The following SSR2 variants were observed in gnomAD, a reference collection of about 807,000 sequenced individuals.
SSR2 encodes the protein translocon-associated protein subunit beta.
In SSR2, 16 loss-of-function variants were observed where a neutral mutation model predicts 22.6. The observed-to-expected ratio is 0.71, with a 90% CI of 0.48 to 1.08. SSR2 has a LOEUF of 1.08. Ranked by LOEUF, SSR2 falls within the 50% of genes least tolerant of loss-of-function variation. The pLI is 0.00. For missense variants in SSR2, 171 were observed against 221.6 expected, an observed-to-expected ratio of 0.77 and a Z score of 1.45; for synonymous variants, 83 against 91.2, an observed-to-expected ratio of 0.91 and a Z score of 0.51.
Position 156,009,397 on chromosome 1 carries a change from C to T in SSR2, c.*143G>A. ...GCTGGTCCTTCACTATGGCTGAGAG[C>T]AGGGCAGGATCCAGGAGAAAGTGGC... On this transcript the variant is annotated 3_prime_UTR_variant, in exon 6 of 6. Coordinates refer to ENST00000295702, the MANE Select transcript of SSR2 (RefSeq NM_003145.4). The T allele has an allele frequency of 1.4e-6, 1 of 691,332 alleles. No homozygotes were observed. Among genetic ancestry groups the T allele is most frequent in the Non-Finnish European group, 2.6e-6 (1 of 391,370 alleles). The allele number at this position is 691,332 out of a possible 1,614,324, so 42.8% of individuals were successfully genotyped here.
At chr1:156,020,293 G>A (rs1411289508) in intron 1 of SSR2, 126 bp from the exon 2 acceptor site, 2 of 983,220 alleles carry the variant, frequency 2.0e-6, no homozygotes, top group East Asian at 2.6e-5. Context: ...CCACAGAGTA[G>A]TCCATAAGCC....
At chr1:156,017,423 C>G (rs1413191968) in intron 3 of SSR2, among the ~76,000 whole-genome samples, 1 of 152,198 alleles carries the variant, frequency 6.6e-6, no homozygotes, top group East Asian at 1.9e-4. Flanking sequence ...GATCTCAGCT[C>G]ACTGCAACCT....
chr1:156,017,636 C>T (rs1393011217), intron 3 of SSR2, among the ~76,000 whole-genome samples: 1 of 151,354 alleles, frequency 6.6e-6, no homozygotes, highest in East Asian at 1.9e-4. Context: ...GCATGAGCCA[C>T]TGTGCCTGGC....
At chr1:156,018,176 A>C (rs1392290076) in intron 3 of SSR2, 94 bp downstream of exon 3, 3 of 881,234 alleles carry the variant, frequency 3.4e-6, no homozygotes, top group Non-Finnish European at 5.7e-6. Context: ...GAGGACAGCC[A>C]CACATATCCA....
intron 4 of SSR2, chr1:156,014,699 G>A (rs1363592075): frequency 4.6e-5 from 12 of 262,804 alleles, no homozygotes; most frequent in Non-Finnish European, 6.0e-5. Flanking sequence ...CTGCCACCAC[G>A]CCCAGCTAAT....
At chr1:156,014,855 G>T in intron 4 of SSR2, 106 bp downstream of exon 4, 1 of 903,378 alleles carries the variant, frequency 1.1e-6, no homozygotes, top group Non-Finnish European at 1.8e-6. Context: ...CTGTATTTTG[G>T]TATCTATTAA....
At chr1:156,018,238 C>T (rs759213583) in intron 3 of SSR2, 32 bp downstream of exon 3, 20 of 1,569,182 alleles carry the variant, frequency 1.3e-5, no homozygotes, top group South Asian at 7.8e-5. Context: ...CCCTGCCCCC[C>T]GACCCTTCAT....
chr1:156,020,382 T>A (rs1319532899), intron 1 of SSR2: 1 of 507,136 alleles, frequency 2.0e-6, no homozygotes, highest in East Asian at 3.6e-5. Flanking sequence ...AGCACCAATA[T>A]ATCTACTGCC....
In SSR2 at chr1:156,016,400, A is replaced by T. The variant is rs564000355; in HGVS notation, c.255-1331T>A. ...AGGCGCCCGCCACCACGCCTGGCTAATTTTTTTGTATTTTTAGTAGAGACA... is the reference window on the plus strand; with the variant it reads ...AGGCGCCCGCCACCACGCCTGGCTATTTTTTTTGTATTTTTAGTAGAGACA... On this transcript the variant is annotated intron_variant, in intron 3 of 5. Coordinates refer to ENST00000295702, the MANE Select transcript of SSR2 (RefSeq NM_003145.4). 5.3e-5 allele frequency among the ~76,000 whole-genome samples: 8 copies of T among 151,734 alleles called. No individual in the cohort carries two copies. In the East Asian group the frequency reaches 1.6e-3, roughly 30 times the overall value.
At position 156,009,426 on chromosome 1, in the gene SSR2, G is replaced by T; in HGVS notation, c.*114C>A. The T allele has an allele frequency of 1.2e-6, 1 of 841,848 alleles. No homozygotes were observed. Among genetic ancestry groups the T allele is most frequent in the Non-Finnish European group, 2.0e-6 (1 of 509,374 alleles). The allele number at this position is 841,848 out of a possible 1,614,324, so 52.1% of individuals were successfully genotyped here. On this transcript the variant is annotated 3_prime_UTR_variant, in exon 6 of 6. Coordinates refer to ENST00000295702, the MANE Select transcript of SSR2 (RefSeq NM_003145.4). ...GCAGGATCCAGGAGAAAGTGGCCAA[G>T]GGCTAAGAGAGAAGAGATTGCATTT...
intron 2 of SSR2, chr1:156,019,274 T>C (rs1157265299): frequency 1.1e-5 from 5 of 451,460 alleles, no homozygotes; most frequent in Admixed American, 2.4e-5. Context: ...TGCCTATGTG[T>C]GTGGAGGGAG....
chr1:156,017,739 G>GTTTTTTTTTTTT lies in SSR2; in HGVS notation c.254+519_254+530dup, dbSNP rs757236241. The stretch of plus-strand genomic sequence containing the variant: ...ATCCTCCCAGTATAGTATGTTTCAG[G>GTTTTTTTTTTTT]TTTTTTTTTTTTTTTTTTTTTTTTT... On this transcript the variant is annotated intron_variant, in intron 3 of 5. Transcript: ENST00000295702. Among the ~76,000 whole-genome samples the GTTTTTTTTTTTT allele has an allele frequency of 1.5e-4, 9 of 61,886 alleles. 1 individual carries two copies. The highest frequency in any genetic ancestry group is 2.7e-4 in the African/African-American group (4 of 14,804). The allele number at this position is 61,886 out of a possible 152,430, so 40.6% of individuals were successfully genotyped here. A position where few individuals can be genotyped will look rare whatever the true frequency, so the allele number is the denominator to read the frequency against.
intron 3 of SSR2, among the ~76,000 whole-genome samples, chr1:156,016,424 C>G (rs1294814540): frequency 5.3e-5 from 8 of 151,886 alleles, no homozygotes; most frequent in South Asian, 2.1e-4. Context: ...TTAGTAGAGA[C>G]AGGGTTTCAC....
chr1:156,020,703 G>A, intron 1 of SSR2, 185 bp downstream of exon 1: 1 of 351,330 alleles, frequency 2.8e-6, no homozygotes, highest in South Asian at 2.1e-5. Context: ...TGGTCCCACG[G>A]GCGGGGGGGC....
At chr1:156,009,743 C>G in intron 5 of SSR2, 93 bp from the exon 6 acceptor site, 1 of 781,316 alleles carries the variant, frequency 1.3e-6, no homozygotes, top group Non-Finnish European at 2.1e-6. Flanking sequence ...AGGGAGCAGT[C>G]TAGCCCAAAT....
Position 156,017,739 on chromosome 1 carries a change from GTTTTTTT to G in SSR2, c.254+524_254+530del, listed in dbSNP as rs757236241. Among the ~76,000 whole-genome samples the G allele has an allele frequency of 1.0e-3, 62 of 61,900 alleles. 1 individual carries two copies. The highest frequency in any genetic ancestry group is 7.7e-3 in the South Asian group (9 of 1,166). The allele number at this position is 61,900 out of a possible 152,430, so 40.6% of individuals were successfully genotyped here. A position where few individuals can be genotyped will look rare whatever the true frequency, so the allele number is the denominator to read the frequency against. On this transcript the variant is annotated intron_variant, in intron 3 of 5. Coordinates refer to ENST00000295702, the MANE Select transcript of SSR2 (RefSeq NM_003145.4). ...ATCCTCCCAGTATAGTATGTTTCAGGTTTTTTTTTTTTTTTTTTTTTTTTTTTTTGAC... is the reference window on the plus strand; with the variant it reads ...ATCCTCCCAGTATAGTATGTTTCAGGTTTTTTTTTTTTTTTTTTTTTTGAC...
intron 5 of SSR2, 66 bp downstream of exon 5, chr1:156,011,744 G>A: frequency 7.4e-7 from 1 of 1,351,656 alleles, no homozygotes; most frequent in Non-Finnish European, 1.1e-6. Context: ...GAAGCCAAGA[G>A]GGTCCAGAAC....
At chr1:156,012,353 G>A (rs1385342549) in intron 4 of SSR2, 1 of 320,134 alleles carries the variant, frequency 3.1e-6, no homozygotes, top group African/African-American at 2.2e-5. Context: ...AAATGAAATA[G>A]CAAAAATATA....
chr1:156,018,391 AG>A (rs1398847932), intron 2 of SSR2, 23 bp from the exon 3 acceptor site: 1 of 1,581,392 alleles, frequency 6.3e-7, no homozygotes, highest in Non-Finnish European at 8.7e-7. Flanking sequence ...TGAAACAAAA[AG>A]GGTTAGTAAG....
Sources: gnomAD v4.1 joint callset for allele counts (sites outside exome capture counted in the v4.1 genomes callset) on GRCh38, gnomAD v4.1.1 for gene constraint, MANE v1.5 for transcripts, NCBI Gene and HGNC (gene_info 2026-07-23, HGNC 2026-07-21) for gene names.